The following GRAMD2A variants were observed in gnomAD, a reference collection of about 807,000 sequenced individuals.
The protein encoded by GRAMD2A is GRAM domain-containing protein 2A.
In GRAMD2A, 37 loss-of-function variants were observed where a neutral mutation model predicts 51.1. That is an observed-to-expected ratio of 0.72 (90% CI 0.56 to 0.95). The LOEUF (loss-of-function observed/expected upper bound fraction) is 0.95. GRAMD2A is among the 40% of genes least tolerant of loss of function. The probability of loss-of-function intolerance (pLI) is 0.00; values close to 1 mark genes in which losing one functional copy is unlikely to be tolerated. For missense variants in GRAMD2A, 414 were observed against 426.9 expected, an observed-to-expected ratio of 0.97 and a Z score of 0.27; for synonymous variants, 136 against 157.1, an observed-to-expected ratio of 0.87 and a Z score of 1.01.
At chr15:72,177,756 C>T (rs2081665129) in intron 1 of GRAMD2A, among the ~76,000 whole-genome samples, 2 of 152,202 alleles carry the variant, frequency 1.3e-5, no homozygotes, top group Admixed American at 1.3e-4. Context: ...GAGACAGAGT[C>T]TCACTCTTTC....
intron 1 of GRAMD2A, among the ~76,000 whole-genome samples, chr15:72,181,560 T>C (rs1002282630): frequency 2.6e-5 from 4 of 152,222 alleles, no homozygotes; most frequent in Admixed American, 6.5e-5. Flanking sequence ...GCAGTGGTGA[T>C]GGAGGGCCAG....
intron 8 of GRAMD2A, chr15:72,163,991 C>A: frequency 2.1e-6 from 1 of 467,146 alleles, no homozygotes; most frequent in Non-Finnish European, 3.8e-6. Flanking sequence ...TCTTTGAACA[C>A]TGCTAGTGTA....
In GRAMD2A at chr15:72,161,656, C is replaced by T; in HGVS notation, c.*353G>A. On this transcript the variant is annotated 3_prime_UTR_variant, in exon 12 of 12. Coordinates refer to ENST00000309731, the MANE Select transcript of GRAMD2A (RefSeq NM_001012642.3). The stretch of plus-strand genomic sequence containing the variant: ...TGGCCTCTGTCCTTTGAGGTGGCCT[C>T]CAGTGTTCTGCCTGTGTGCCAGAAC... The T allele has an allele frequency of 3.1e-6, 1 of 324,894 alleles. No homozygotes were observed. The allele number at this position is 324,894 out of a possible 1,614,324, so 20.1% of individuals were successfully genotyped here.
chr15:72,177,629 A>G (rs1429045588), intron 1 of GRAMD2A, among the ~76,000 whole-genome samples: 1 of 152,266 alleles, frequency 6.6e-6, no homozygotes, highest in Admixed American at 6.5e-5. Flanking sequence ...TGAAAGTGCT[A>G]TGAAAATTGT....
chr15:72,169,261 G>A, intron 2 of GRAMD2A: 1 of 545,200 alleles, frequency 1.8e-6, no homozygotes, highest in South Asian at 2.0e-5. Flanking sequence ...AGCATCTCCT[G>A]GAGGTGCGCC....
chr15:72,167,876 G>T (rs936865232), intron 4 of GRAMD2A, 37 bp from the exon 5 acceptor site: 4 of 1,484,734 alleles, frequency 2.7e-6, no homozygotes, highest in Admixed American at 1.7e-5. Flanking sequence ...CCATAAGCAA[G>T]GTCAGCCCAG....
chr15:72,196,060 T>G (rs1472653556), intron 1 of GRAMD2A, among the ~76,000 whole-genome samples: 2 of 152,160 alleles, frequency 1.3e-5, no homozygotes, highest in African/African-American at 2.4e-5. Context: ...CAGCCTAAAC[T>G]CTCCTGGAAG....
At chr15:72,182,191 CCT>C (rs2081701226) in intron 1 of GRAMD2A, among the ~76,000 whole-genome samples, 2 of 151,720 alleles carry the variant, frequency 1.3e-5, no homozygotes, top group South Asian at 4.2e-4. Context: ...ATGGTGAAAC[CCT>C]GTCTCTACTA....
rs1199995808 is a variant in GRAMD2A, at chr15:72,165,494, G to C, written c.544-84C>G. The C allele has an allele frequency of 2.2e-6, 3 of 1,346,676 alleles. No individual in the cohort carries two copies. The East Asian group carries it at 6.9e-5, about 31-fold the overall frequency. The allele number at this position is 1,346,676 out of a possible 1,614,324, so 83.4% of individuals were successfully genotyped here. On this transcript the variant is annotated intron_variant, in intron 7 of 11. Transcript: ENST00000309731. The stretch of plus-strand genomic sequence containing the variant: ...GGGGAAGCATCAGCCCTCTCCAAGA[G>C]AGCTTTACCTCCAAATAAGCCACTT...
chr15:72,170,134 G>T lies in GRAMD2A; in HGVS notation c.42-195C>A. On this transcript the variant is annotated intron_variant, in intron 1 of 11. Coordinates refer to ENST00000309731, the MANE Select transcript of GRAMD2A (RefSeq NM_001012642.3). This position sits in a 1 kb window ranked among gnomAD's most constrained non-coding sequence, Gnocchi z 4.5. ...TCTGGGATGGCTGACGGAGTAGGCG[G>T]GTCTCACACAGCGTCTTTCCCGAAA... The T allele has an allele frequency of 2.9e-6, 2 of 686,174 alleles. No homozygotes were observed. The highest frequency in any genetic ancestry group is 5.3e-6 in the Non-Finnish European group (2 of 374,716). 42.5% of individuals were successfully genotyped at this position (686,174 alleles called of 1,614,324 possible). A position where few individuals can be genotyped will look rare whatever the true frequency, so the allele number is the denominator to read the frequency against.
intron 1 of GRAMD2A, among the ~76,000 whole-genome samples, chr15:72,177,980 G>A (rs889855650): frequency 2.6e-5 from 4 of 152,144 alleles, no homozygotes; most frequent in South Asian, 2.1e-4. Context: ...CACCCGCCTC[G>A]GCCTCCCAAA....
At chr15:72,182,362 CAAA>C (rs36075463) in intron 1 of GRAMD2A, among the ~76,000 whole-genome samples, 2 of 47,544 alleles carry the variant, frequency 4.2e-5, no homozygotes, top group East Asian at 6.2e-4. Flanking sequence ...GAGACTGTCT[CAAA>C]AAAAAAAAAA....
At chr15:72,167,134 G>T in intron 5 of GRAMD2A, 42 bp from the exon 6 acceptor site, 1 of 1,465,566 alleles carries the variant, frequency 6.8e-7, no homozygotes, top group Non-Finnish European at 9.6e-7. Context: ...TAACCCCCAA[G>T]GACGTGGTCC....
Position 72,163,261 on chromosome 15 carries a change from C to T in GRAMD2A, c.956+5G>A, listed in dbSNP as rs1287349672. The T allele has an allele frequency of 6.2e-7, 1 of 1,610,418 alleles. No individual in the cohort carries two copies. Among genetic ancestry groups the T allele is most frequent in the Non-Finnish European group, 8.5e-7 (1 of 1,176,608 alleles). The stretch of plus-strand genomic sequence containing the variant: ...TCTGTCCCCCTCCCCAGTATAGTCA[C>T]TTACAGCACAAAGAAGACCTTGAGG... On this transcript the variant is annotated splice_donor_5th_base_variant and intron_variant, in intron 10 of 11. Transcript: ENST00000309731.
chr15:72,188,172 A>G (rs1365924545), intron 1 of GRAMD2A, among the ~76,000 whole-genome samples: 5 of 152,092 alleles, frequency 3.3e-5, no homozygotes, highest in Non-Finnish European at 7.4e-5. Flanking sequence ...CCCCATCTCT[A>G]CTAAAAATAC....
At chr15:72,177,283 T>G (rs567746338) in intron 1 of GRAMD2A, among the ~76,000 whole-genome samples, 2 of 152,330 alleles carry the variant, frequency 1.3e-5, no homozygotes, top group East Asian at 3.9e-4. Flanking sequence ...TGAAGTATTA[T>G]TTACATATAG....
At chr15:72,188,548 C>T (rs1007132369) in intron 1 of GRAMD2A, among the ~76,000 whole-genome samples, 5 of 152,086 alleles carry the variant, frequency 3.3e-5, no homozygotes, top group Admixed American at 1.3e-4. Context: ...ATTGGAAAAG[C>T]GTTCTGTAGA....
At chr15:72,189,632 A>G (rs986733538) in intron 1 of GRAMD2A, among the ~76,000 whole-genome samples, 1 of 152,252 alleles carries the variant, frequency 6.6e-6, no homozygotes, top group African/African-American at 2.4e-5. Flanking sequence ...CTGAATTATC[A>G]CTAAGAAGTC....
chr15:72,165,694 A>G (rs2081535363), intron 7 of GRAMD2A, among the ~76,000 whole-genome samples: 2 of 151,754 alleles, frequency 1.3e-5, no homozygotes, highest in African/African-American at 2.4e-5. Flanking sequence ...ACGCGCTCCT[A>G]TCTGTGCATT....
Sources: allele counts gnomAD v4.1 joint callset (sites outside exome capture counted in the v4.1 genomes callset), GRCh38; gene constraint gnomAD v4.1.1; non-coding constraint Gnocchi (gnomAD v3.1); transcripts MANE v1.5; gene names NCBI Gene and HGNC (gene_info 2026-07-23, HGNC 2026-07-21).